Variants in ANKFN1 observed in about 807,000 individuals in gnomAD.
The protein encoded by ANKFN1 is ankyrin repeat and fibronectin type III domain containing 1.
A neutral mutation model predicts 108.7 loss-of-function variants in ANKFN1; 74 were observed. The ratio of observed to expected loss-of-function variants is 0.68; its 90% confidence interval spans 0.56 to 0.83. The LOEUF is 0.83. ANKFN1 is among the 40% of genes least tolerant of loss of function. ANKFN1 has a pLI of 0.00. For missense variants in ANKFN1, 1,505 were observed against 1,382.3 expected (o/e 1.09, Z -1.41); for synonymous variants, 547 against 516.2 (o/e 1.06, Z -0.81).
chr17:56,497,246 T>C (rs1049347656), intron 19 of ANKFN1, among the ~76,000 whole-genome samples: 4 of 152,132 alleles, frequency 2.6e-5, no homozygotes, highest in Admixed American at 2.6e-4. Context: ...GACTTTAGAT[T>C]TCTCCCTTCA....
rs2051812846 is a variant in ANKFN1 at position 56,512,797 on chromosome 17, T to TCA, written c.*1528_*1529insCA. Among the ~76,000 whole-genome samples the TCA allele has an allele frequency of 6.6e-6, 1 of 152,226 alleles. No homozygotes were observed. The highest frequency in any genetic ancestry group is 2.4e-5 in the African/African-American group (1 of 41,442). On this transcript the variant is annotated 3_prime_UTR_variant, in exon 21 of 21. Transcript: ENST00000682825. ...TAAAAACATTTGATTTAAACATAAATAATTACCCTGCTGCAAAGGTACAGA... is the reference window on the plus strand; with the variant it reads ...TAAAAACATTTGATTTAAACATAAATCAAATTACCCTGCTGCAAAGGTACAGA...
At chr17:56,461,721 A>T (rs2049909795) in intron 14 of ANKFN1, among the ~76,000 whole-genome samples, 1 of 152,184 alleles carries the variant, frequency 6.6e-6, no homozygotes, top group Non-Finnish European at 1.5e-5. Context: ...TGAGTTCCTC[A>T]GTTCAGGGAA....
In ANKFN1 at chr17:56,177,066, G is replaced by A. The variant is rs150485032; in HGVS notation, c.-71+23536G>A. Among the ~76,000 whole-genome samples, 337 of 152,262 alleles carry A rather than the reference G, an allele frequency of 2.2e-3. 4 individuals carry two copies. The East Asian group carries it at 0.024, about 11-fold the overall frequency. ...GCCCTCCTTGACTGTAGAATCGTAG[G>A]GATTTCCCCAGAGCCCCCAGGTGAA... On this transcript the variant is annotated intron_variant, in intron 1 of 20. Coordinates refer to ENST00000682825, the MANE Select transcript of ANKFN1 (RefSeq NM_001370326.1).
At chr17:56,436,740 A>G (rs9902256) in intron 8 of ANKFN1, among the ~76,000 whole-genome samples, 18,912 of 151,760 alleles carry the variant, frequency 0.12, 3,958 homozygotes, top group African/African-American at 0.43. Context: ...TGAGACAGGA[A>G]AATCACTTGT....
chr17:56,187,541 A>G (rs1220699230), intron 1 of ANKFN1, among the ~76,000 whole-genome samples: 1 of 152,188 alleles, frequency 6.6e-6, no homozygotes, highest in Non-Finnish European at 1.5e-5. Context: ...TTCCTCAAGG[A>G]TCTAGAACTA....
intron 1 of ANKFN1, among the ~76,000 whole-genome samples, chr17:56,200,989 G>A (rs1363746266): frequency 6.6e-6 from 1 of 152,124 alleles, no homozygotes; most frequent in East Asian, 1.9e-4. Context: ...CTCCAGAATA[G>A]CCCCAGTGGG....
At chr17:56,232,579 T>C (rs1391591985) in intron 3 of ANKFN1, among the ~76,000 whole-genome samples, 5 of 152,158 alleles carry the variant, frequency 3.3e-5, no homozygotes, top group African/African-American at 1.2e-4. Flanking sequence ...ATTTAAATTA[T>C]TTTAAATCCT....
intron 4 of ANKFN1, among the ~76,000 whole-genome samples, chr17:56,098,250 G>A (rs1905570221): frequency 6.6e-6 from 1 of 152,200 alleles, no homozygotes; most frequent in Non-Finnish European, 1.5e-5. Flanking sequence ...CCAGAACTGT[G>A]TGAGAATGAA....
intron 8 of ANKFN1, among the ~76,000 whole-genome samples, chr17:56,413,084 G>A (rs913788270): frequency 6.6e-6 from 1 of 151,986 alleles, no homozygotes; most frequent in Admixed American, 6.6e-5. Context: ...CAAGTGCCTC[G>A]AAGCGTAACA....
At chr17:56,325,855 G>T (rs556292988) in intron 3 of ANKFN1, among the ~76,000 whole-genome samples, 7 of 152,278 alleles carry the variant, frequency 4.6e-5, no homozygotes, top group Non-Finnish European at 1.0e-4. Context: ...TTTCCCTGCC[G>T]GTTGATGTAG....
chr17:56,056,059 A>G (rs1308758822), intron 4 of ANKFN1, among the ~76,000 whole-genome samples: 1 of 151,312 alleles, frequency 6.6e-6, no homozygotes, highest in Non-Finnish European at 1.5e-5. Context: ...TTCTTTGCCC[A>G]GTTTTTAATG....
At chr17:56,435,892 A>G (rs1272050302) in intron 8 of ANKFN1, among the ~76,000 whole-genome samples, 1 of 152,182 alleles carries the variant, frequency 6.6e-6, no homozygotes, top group Non-Finnish European at 1.5e-5. Context: ...TGGATTATCT[A>G]ATCCACATCA....
At position 56,403,947 on chromosome 17, in the gene ANKFN1, T is replaced by C. The variant is rs2047839384; in HGVS notation, c.910+29233T>C. On this transcript the variant is annotated intron_variant, in intron 8 of 20. Transcript: ENST00000682825. Reference sequence around the variant, plus strand: ...ATGCTTAGTTTTGCTGGATACAAAATCCTTGGTTGATAATTGTTTTGCTTG... The same window carrying C: ...ATGCTTAGTTTTGCTGGATACAAAACCCTTGGTTGATAATTGTTTTGCTTG... 2.0e-5 allele frequency among the ~76,000 whole-genome samples: 3 copies of C among 152,266 alleles called. No individual in the cohort carries two copies. The South Asian group carries it at 6.2e-4, about 32-fold the overall frequency.
chr17:56,248,158 C>T (rs572983491), intron 3 of ANKFN1, among the ~76,000 whole-genome samples: 1 of 152,274 alleles, frequency 6.6e-6, no homozygotes, highest in South Asian at 2.1e-4. Context: ...AGGTAGATAT[C>T]ATGATTACCA....
intron 4 of ANKFN1, among the ~76,000 whole-genome samples, chr17:56,072,891 C>T (rs927180411): frequency 6.6e-6 from 1 of 152,200 alleles, no homozygotes; most frequent in Admixed American, 6.5e-5. Context: ...GAGAAATTCC[C>T]AAATGTATCC....
chr17:56,098,358 A>G (rs1598094558), intron 4 of ANKFN1, among the ~76,000 whole-genome samples: 1 of 152,272 alleles, frequency 6.6e-6, no homozygotes, highest in East Asian at 1.9e-4. Flanking sequence ...ATTTCATCTC[A>G]GGGAGATGTC....
At chr17:56,502,133 G>T (rs1394777106) in intron 20 of ANKFN1, among the ~76,000 whole-genome samples, 1 of 152,162 alleles carries the variant, frequency 6.6e-6, no homozygotes, top group Non-Finnish European at 1.5e-5. Context: ...CCCACAATTT[G>T]TTTAACTCTA....
At chr17:56,422,217 C>T (rs910026145) in intron 8 of ANKFN1, among the ~76,000 whole-genome samples, 2 of 152,174 alleles carry the variant, frequency 1.3e-5, no homozygotes, top group South Asian at 2.1e-4. Context: ...ACCTTGCTAA[C>T]GCATGGTACT....
At chr17:56,330,717 A>G (rs1254094464) in intron 4 of ANKFN1, among the ~76,000 whole-genome samples, 1 of 152,232 alleles carries the variant, frequency 6.6e-6, no homozygotes, top group South Asian at 2.1e-4. Flanking sequence ...CCTATGTGGG[A>G]TACTATCTTA....
Sources: allele counts gnomAD v4.1 joint callset (sites outside exome capture counted in the v4.1 genomes callset), GRCh38; gene constraint gnomAD v4.1.1; transcripts MANE v1.5; gene names NCBI Gene and HGNC (gene_info 2026-07-23, HGNC 2026-07-21).